SSUH2: variants seen among roughly 807,000 people sequenced by gnomAD.
The protein encoded by SSUH2 is protein SSUH2 homolog.
SSUH2 carries 47 observed loss-of-function variants against 55.3 expected under a neutral mutation model. The ratio of observed to expected loss-of-function variants is 0.85; its 90% CI spans 0.67 to 1.08. SSUH2 has a LOEUF of 1.08. SSUH2 is among the 50% of genes least tolerant of loss of function. The pLI is 0.00. For missense variants in SSUH2, 535 were observed against 490.7 expected (o/e 1.09, Z -0.85); for synonymous variants, 212 against 191.5 (o/e 1.11, Z -0.89).
chr3:8,657,100 G>A (rs934803624), intron 7 of SSUH2, among the ~76,000 whole-genome samples: 2 of 152,104 alleles, frequency 1.3e-5, no homozygotes, highest in African/African-American at 4.8e-5. Flanking sequence ...AAGCTGGTCT[G>A]GAACTCTTGA....
intron 11 of SSUH2, among the ~76,000 whole-genome samples, chr3:8,622,696 C>T (rs1696687301): frequency 6.6e-6 from 1 of 152,206 alleles, no homozygotes; most frequent in South Asian, 2.1e-4. Flanking sequence ...TGCATCTTCT[C>T]TCTCCTACAA....
chr3:8,645,082 C>A (rs768231126), upstream of SSUH2, among the ~76,000 whole-genome samples: 3 of 152,114 alleles, frequency 2.0e-5, no homozygotes, highest in Admixed American at 6.5e-5. Flanking sequence ...AGATTCAAAC[C>A]CTCATCAGTC....
chr3:8,678,492 G>A lies in SSUH2; in HGVS notation c.-900-1139C>T, dbSNP rs76255958. On this transcript the variant is annotated intron_variant, in intron 2 of 18. Transcript: ENST00000317371. ...GCTCTTAGGACCCCCATTGCAAGGG[G>A]GTGAGGCACCCCCCGCGAGGCGGGG... Among the ~76,000 whole-genome samples the A allele has an allele frequency of 5.5e-4, 66 of 120,698 alleles. 3 individuals are homozygous for A. The highest frequency in any genetic ancestry group is 4.7e-3 in the Middle Eastern group (1 of 212). 79.2% of individuals were successfully genotyped at this position (120,698 alleles called of 152,430 possible). A position where few individuals can be genotyped will look rare whatever the true frequency, so the allele number is the denominator to read the frequency against.
chr3:8,652,710 G>A (rs772602427), intron 7 of SSUH2, among the ~76,000 whole-genome samples: 68 of 152,110 alleles, frequency 4.5e-4, no homozygotes, highest in Non-Finnish European at 1.0e-4. Flanking sequence ...TATGTATACA[G>A]TTTCCCCCAT....
chr3:8,623,580 G>A lies in SSUH2; in HGVS notation c.950C>T (p.Ala317Val). 6.4e-7 allele frequency: 1 copy of A among 1,550,886 alleles called. No individual in the cohort carries two copies. The highest frequency in any genetic ancestry group is 8.7e-7 in the Non-Finnish European group (1 of 1,146,430). ...CAGGACGCGGGCACGGGAGGCCAAGGCAGCGCTGTGCTCTGCAATGCCCCT... is the reference window on the plus strand; with the variant it reads ...CAGGACGCGGGCACGGGAGGCCAAGACAGCGCTGTGCTCTGCAATGCCCCT... ...SQRGIAEHSA[A>V]LASRARVLQQ... is the part of the protein sequence containing the mutation. The change falls in exon 11 of 12, where the codon GCC (alanine) becomes GTC (valine). Residue 317 changes from alanine to valine, a missense_variant. Coordinates refer to ENST00000544814, the MANE Select transcript of SSUH2 (RefSeq NM_001256748.3).
chr3:8,628,238 GGAGT>G (rs1698000403), intron 7 of SSUH2, among the ~76,000 whole-genome samples: 1 of 152,202 alleles, frequency 6.6e-6, no homozygotes, highest in African/African-American at 2.4e-5. Flanking sequence ...AGGCAGTGCA[GGAGT>G]GAGCTGGGGA....
At chr3:8,645,622 G>A (rs1015322768), upstream of SSUH2, among the ~76,000 whole-genome samples, 2 of 152,092 alleles carry the variant, frequency 1.3e-5, no homozygotes, top group Non-Finnish European at 2.9e-5. Context: ...GGGGTTCTCT[G>A]GCCAGGGTGA....
At chr3:8,626,760 G>A (rs948676095) in intron 8 of SSUH2, among the ~76,000 whole-genome samples, 4 of 152,094 alleles carry the variant, frequency 2.6e-5, no homozygotes, top group Non-Finnish European at 5.9e-5. Flanking sequence ...GATCTCCTCT[G>A]CCACTACAAG....
chr3:8,628,107 G>A (rs1697976467), intron 7 of SSUH2, among the ~76,000 whole-genome samples: 1 of 152,134 alleles, frequency 6.6e-6, no homozygotes, highest in Non-Finnish European at 1.5e-5. Context: ...CAGGGGCCTG[G>A]CACTGGAGAC....
intron 6 of SSUH2, chr3:8,663,716 G>A (rs1311322145): frequency 2.3e-6 from 1 of 439,988 alleles, no homozygotes. Context: ...AAAGCTATTG[G>A]GACACACTGG....
At chr3:8,645,555 T>A (rs1215462284), upstream of SSUH2, among the ~76,000 whole-genome samples, 1 of 152,192 alleles carries the variant, frequency 6.6e-6, no homozygotes, top group African/African-American at 2.4e-5. Context: ...CCCGAGGCTC[T>A]ATGGGTCCCA....
chr3:8,642,280 A>G (rs1700982172), intron 1 of SSUH2, among the ~76,000 whole-genome samples: 1 of 152,186 alleles, frequency 6.6e-6, no homozygotes, highest in South Asian at 2.1e-4. Flanking sequence ...TTAAGAAAAG[A>G]GTGATTACCT....
At chr3:8,650,536 G>A (rs1702274724) in intron 7 of SSUH2, among the ~76,000 whole-genome samples, 1 of 152,136 alleles carries the variant, frequency 6.6e-6, no homozygotes, top group African/African-American at 2.4e-5. Context: ...CCAACTGTGG[G>A]GAAACTGATA....
intron 5 of SSUH2, among the ~76,000 whole-genome samples, chr3:8,664,803 G>T (rs1703837265): frequency 6.6e-6 from 1 of 152,156 alleles, no homozygotes; most frequent in Non-Finnish European, 1.5e-5. Flanking sequence ...TAACAAAAAA[G>T]CAAATTAAGG....
chr3:8,626,639 A>T (rs1697623938), intron 8 of SSUH2, among the ~76,000 whole-genome samples: 1 of 151,204 alleles, frequency 6.6e-6, no homozygotes, highest in South Asian at 2.1e-4. Flanking sequence ...TGATACAAAG[A>T]TGGGCACATG....
In SSUH2 at chr3:8,681,556, C is replaced by T. The variant is rs1415483183; in HGVS notation, c.-1046+335G>A. ...TGGCTCTTCGGACCCCCATGGGGGG[C>T]GGGAGGCACCCCCAACGAAGCGGGG... On this transcript the variant is annotated intron_variant, in intron 1 of 18. Coordinates refer to the SSUH2 transcript ENST00000317371. Among the ~76,000 whole-genome samples, 22 of 129,668 alleles carry T rather than the reference C, an allele frequency of 1.7e-4. No individual in the cohort carries two copies. The South Asian group carries it at 5.8e-3, about 34-fold the overall frequency. The allele number at this position is 129,668 out of a possible 152,430, so 85.1% of individuals were successfully genotyped here.
At chr3:8,669,122 A>T (rs1704271829) in intron 5 of SSUH2, among the ~76,000 whole-genome samples, 1 of 152,240 alleles carries the variant, frequency 6.6e-6, no homozygotes, top group African/African-American at 2.4e-5. Context: ...TTCAAATGAA[A>T]CAACAAAATA....
At chr3:8,669,856 C>CA (rs1704353557) in intron 5 of SSUH2, among the ~76,000 whole-genome samples, 1 of 129,168 alleles carries the variant, frequency 7.7e-6, no homozygotes, top group African/African-American at 2.6e-5. Context: ...GAGGAACTGT[C>CA]ACAGATCGGA....
chr3:8,679,550 G>A (rs1168497589), intron 2 of SSUH2, among the ~76,000 whole-genome samples: 1 of 149,544 alleles, frequency 6.7e-6, no homozygotes, highest in East Asian at 2.0e-4. Flanking sequence ...CAGCGAGGCA[G>A]GAACTGAGAG....
Sources: allele counts gnomAD v4.1 joint callset (sites outside exome capture counted in the v4.1 genomes callset), GRCh38; gene constraint gnomAD v4.1.1; transcripts MANE v1.5; gene names NCBI Gene and HGNC (gene_info 2026-07-23, HGNC 2026-07-21).